Variants in CGNL1 observed in about 807,000 individuals in gnomAD.
CGNL1 encodes the protein cingulin-like protein 1.
CGNL1 carries 132 observed loss-of-function variants against 141.2 expected under a neutral mutation model. That is an observed-to-expected ratio of 0.93 (90% CI 0.81 to 1.08). The LOEUF (loss-of-function observed/expected upper bound fraction) is 1.08. Among genes scored for constraint, CGNL1 ranks in the 50% least tolerant of loss-of-function variants. The probability of loss-of-function intolerance (pLI) is 0.00; values close to 1 mark genes in which losing one functional copy is unlikely to be tolerated. For synonymous variants in CGNL1, 690 were observed against 622.1 expected (o/e 1.11, Z -1.63); for missense variants, 1,870 against 1,588.6 (o/e 1.18, Z -3.01).
chr15:57,484,003 G>C (rs539226605), intron 8 of CGNL1, among the ~76,000 whole-genome samples: 17 of 151,958 alleles, frequency 1.1e-4, no homozygotes, highest in Non-Finnish European at 1.9e-4. Context: ...CTTGTATTTT[G>C]TTAAGGATTC....
chr15:57,463,640 C>G (rs2063473485), intron 8 of CGNL1, among the ~76,000 whole-genome samples: 1 of 152,204 alleles, frequency 6.6e-6, no homozygotes, highest in South Asian at 2.1e-4. Context: ...CTTACAAAAC[C>G]AAATCTGATC....
At chr15:57,410,988 A>C (rs1280277955) in intron 1 of CGNL1, among the ~76,000 whole-genome samples, 1 of 152,252 alleles carries the variant, frequency 6.6e-6, no homozygotes, top group African/African-American at 2.4e-5. Flanking sequence ...CAGCTTAGAG[A>C]ACATAATTGT....
chr15:57,516,003 A>T (rs1297916805), intron 8 of CGNL1, among the ~76,000 whole-genome samples: 2 of 151,738 alleles, frequency 1.3e-5, no homozygotes, highest in African/African-American at 4.8e-5. Context: ...CTAAAAATAT[A>T]AAAAAATTAG....
intron 8 of CGNL1, among the ~76,000 whole-genome samples, chr15:57,514,864 C>T (rs1339058896): frequency 6.6e-6 from 1 of 152,132 alleles, no homozygotes; most frequent in Non-Finnish European, 1.5e-5. Context: ...GCTATTCTTT[C>T]CCCCATTGAA....
chr15:57,482,169 A>G (rs2063734530), intron 8 of CGNL1, among the ~76,000 whole-genome samples: 1 of 152,016 alleles, frequency 6.6e-6, no homozygotes, highest in Non-Finnish European at 1.5e-5. Flanking sequence ...TCTAGATATG[A>G]GCACTTTGTC....
intron 8 of CGNL1, among the ~76,000 whole-genome samples, chr15:57,515,515 A>C (rs1396684145): frequency 6.6e-6 from 1 of 152,148 alleles, no homozygotes; most frequent in African/African-American, 2.4e-5. Flanking sequence ...CTTTTATCGC[A>C]GGCGTCTGTA....
At chr15:57,499,161 C>T (rs866752201) in intron 8 of CGNL1, among the ~76,000 whole-genome samples, 5 of 149,738 alleles carry the variant, frequency 3.3e-5, no homozygotes, top group East Asian at 2.0e-4. Context: ...AGCTTGGAGT[C>T]GCATGGCAGT....
intron 1 of CGNL1, among the ~76,000 whole-genome samples, chr15:57,430,629 G>T (rs528352848): frequency 5.5e-4 from 83 of 150,404 alleles, no homozygotes; most frequent in Non-Finnish European, 8.2e-4. Flanking sequence ...TAGACTTCCA[G>T]GGGGAAGTGG....
Position 57,522,124 on chromosome 15 carries a change from A to C in CGNL1, c.2716-1365A>C, listed in dbSNP as rs975350800. Among the ~76,000 whole-genome samples the C allele has an allele frequency of 3.9e-5, 6 of 152,104 alleles. No homozygotes were observed. The South Asian group carries it at 1.0e-3, about 26-fold the overall frequency. On this transcript the variant is annotated intron_variant, in intron 10 of 18. Transcript: ENST00000281282. ...AGCACACTACTGCTAATTCCCCCCCACACTGAACTTCTGATTACCTTTCTT... is the reference window on the plus strand; with the variant it reads ...AGCACACTACTGCTAATTCCCCCCCCCACTGAACTTCTGATTACCTTTCTT...
At chr15:57,443,952 A>T (rs1355342872) in intron 4 of CGNL1, among the ~76,000 whole-genome samples, 1 of 152,154 alleles carries the variant, frequency 6.6e-6, no homozygotes, top group Admixed American at 6.5e-5. Context: ...ATATTGTTTT[A>T]TTGGGGTATA....
chr15:57,546,030 G>C (rs987741916), intron 17 of CGNL1, 46 bp from the exon 18 acceptor site: 33 of 1,585,722 alleles, frequency 2.1e-5, no homozygotes, highest in Non-Finnish European at 2.7e-5. Flanking sequence ...GAGCGCTGGG[G>C]CTGGGCCATC....
chr15:57,516,158 CAAAAAAAAAAA>C (rs10559176), intron 8 of CGNL1, among the ~76,000 whole-genome samples: 2 of 73,280 alleles, frequency 2.7e-5, no homozygotes, highest in East Asian at 3.8e-4. Context: ...GACTCTGTCT[CAAAAAAAAAAA>C]AAAAAAAAAA....
intron 4 of CGNL1, among the ~76,000 whole-genome samples, 193 bp downstream of exon 4, chr15:57,442,671 T>G (rs1305240353): frequency 6.6e-6 from 1 of 152,074 alleles, no homozygotes; most frequent in Non-Finnish European, 1.5e-5. Context: ...CTGGCTGGAG[T>G]GTAGTGGTAT....
chr15:57,388,027 T>C (rs2062502529), intron 1 of CGNL1, among the ~76,000 whole-genome samples: 1 of 152,162 alleles, frequency 6.6e-6, no homozygotes, highest in Non-Finnish European at 1.5e-5. Context: ...GGAGAGAGAC[T>C]GGACTGGAAG....
intron 1 of CGNL1, among the ~76,000 whole-genome samples, chr15:57,430,874 C>T (rs888774693): frequency 6.6e-6 from 1 of 152,158 alleles, no homozygotes; most frequent in Non-Finnish European, 1.5e-5. Flanking sequence ...GTGACCGCCA[C>T]CATGGCCGGC....
intron 6 of CGNL1, 65 bp downstream of exon 6, chr15:57,452,354 T>G: frequency 6.8e-7 from 1 of 1,468,472 alleles, no homozygotes; most frequent in Non-Finnish European, 9.2e-7. Context: ...CTAGAAACTT[T>G]CTGTCCATTT....
chr15:57,443,220 G>A (rs1368469607), intron 4 of CGNL1, among the ~76,000 whole-genome samples: 2 of 152,170 alleles, frequency 1.3e-5, no homozygotes, highest in Admixed American at 6.5e-5. Context: ...CTGATTGATT[G>A]TGCTGAATTT....
intron 13 of CGNL1, 112 bp from the exon 14 acceptor site, chr15:57,531,578 A>C (rs1395583052): frequency 1.4e-6 from 1 of 703,442 alleles, no homozygotes; most frequent in South Asian, 1.7e-5. Context: ...TCCAAACTCT[A>C]ATGGTAGTTA....
Position 57,453,808 on chromosome 15 carries a change from C to G in CGNL1, c.2180C>G (p.Ala727Gly), listed in dbSNP as rs747501448. Residue 727 changes from alanine to glycine, a missense_variant, in exon 7 of 19, where the codon GCT (alanine) becomes GGT (glycine). Ala to Gly is a moderately conservative substitution (Grantham distance 60). Transcript: ENST00000281282. The stretch of plus-strand genomic sequence containing the variant: ...CGATCGGAGGACAGGGAGAAGGGAG[C>G]TCTGATTGAGGTAAGCAGGGCTGTG... Reference protein sequence around the residue: ...AKRSEDREKGALIEELLQAKQ... With the variant: ...AKRSEDREKGGLIEELLQAKQ... 6.2e-7 allele frequency: 1 copy of G among 1,613,446 alleles called. No individual in the cohort carries two copies. Among genetic ancestry groups the G allele is most frequent in the Non-Finnish European group, 8.5e-7 (1 of 1,179,878 alleles).
Sources: allele counts gnomAD v4.1 joint callset (sites outside exome capture counted in the v4.1 genomes callset), GRCh38; gene constraint gnomAD v4.1.1; transcripts MANE v1.5; gene names NCBI Gene and HGNC (gene_info 2026-07-23, HGNC 2026-07-21).